The following PDGFD variants were observed in gnomAD, a reference collection of about 807,000 sequenced individuals.
The protein encoded by PDGFD is platelet derived growth factor D.
A neutral mutation model predicts 44.7 loss-of-function variants in PDGFD; 30 were observed. The observed-to-expected ratio is 0.67, with a 90% CI of 0.50 to 0.91. The LOEUF (loss-of-function observed/expected upper bound fraction) is 0.91, where lower values mean the gene tolerates loss of function less well. PDGFD is among the 40% of genes least tolerant of loss of function. PDGFD has a pLI of 0.00. For missense variants in PDGFD, 445 were observed against 457.8 expected (o/e 0.97, Z 0.25); for synonymous variants, 173 against 168.4 (o/e 1.03, Z -0.21).
chr11:104,137,999 G>C (rs769847317), intron 1 of PDGFD, among the ~76,000 whole-genome samples: 46 of 152,162 alleles, frequency 3.0e-4, no homozygotes, highest in South Asian at 1.5e-3. Context: ...ATGAGTTATT[G>C]AAAGCAGAAA....
At chr11:103,983,964 A>G (rs1859312952) in intron 3 of PDGFD, among the ~76,000 whole-genome samples, 1 of 151,814 alleles carries the variant, frequency 6.6e-6, no homozygotes, top group East Asian at 1.9e-4. Flanking sequence ...TGGAAGTGTA[A>G]ATCAGTTCAG....
intron 6 of PDGFD, among the ~76,000 whole-genome samples, chr11:103,922,305 C>T (rs181914000): frequency 3.9e-4 from 60 of 152,254 alleles, no homozygotes; most frequent in African/African-American, 1.2e-3. Context: ...CTCCCTTTAA[C>T]AAAAATCACT....
intron 1 of PDGFD, among the ~76,000 whole-genome samples, chr11:104,041,264 T>C (rs1039002787): frequency 2.6e-5 from 4 of 152,058 alleles, no homozygotes; most frequent in Non-Finnish European, 4.4e-5. Flanking sequence ...GACAGACTTG[T>C]AACCAACTAA....
chr11:103,979,583 C>T (rs184692962), intron 3 of PDGFD, among the ~76,000 whole-genome samples: 1 of 152,196 alleles, frequency 6.6e-6, no homozygotes, highest in Non-Finnish European at 1.5e-5. Context: ...GAATGAGTTA[C>T]ATAATTCATT....
intron 3 of PDGFD, among the ~76,000 whole-genome samples, chr11:103,963,139 G>A (rs1158634900): frequency 6.6e-6 from 1 of 152,128 alleles, no homozygotes. Context: ...AAAAGTGCCT[G>A]TCACATAGAA....
intron 1 of PDGFD, among the ~76,000 whole-genome samples, chr11:104,100,204 C>A (rs889431463): frequency 3.3e-5 from 5 of 152,058 alleles, no homozygotes; most frequent in Non-Finnish European, 7.4e-5. Flanking sequence ...CAGAGGCAGC[C>A]TACACACCTC....
chr11:104,133,465 A>G (rs1406347786), intron 1 of PDGFD, among the ~76,000 whole-genome samples: 1 of 152,156 alleles, frequency 6.6e-6, no homozygotes, highest in African/African-American at 2.4e-5. Context: ...TTCTAAACTA[A>G]GGAGAATACA....
At chr11:104,119,210 A>ATAAT (rs1861710310) in intron 1 of PDGFD, among the ~76,000 whole-genome samples, 6 of 7,076 alleles carry the variant, frequency 8.5e-4, no homozygotes, top group Admixed American at 0.011. Context: ...ATAATATATT[A>ATAAT]ATATAATATA....
intron 1 of PDGFD, among the ~76,000 whole-genome samples, chr11:104,126,065 C>A (rs1229686512): frequency 6.6e-6 from 1 of 152,150 alleles, no homozygotes; most frequent in South Asian, 2.1e-4. Context: ...TCCTTTCCTG[C>A]CACTCCTGAC....
chr11:104,076,701 T>C lies in PDGFD; in HGVS notation c.125-76446A>G, dbSNP rs894149119. ...ACATGTTAAGGTATTTGGACTACAA[T>C]TGACCCTTGAACAACATAGGTTTGA... On this transcript the variant is annotated intron_variant, in intron 1 of 6. Coordinates refer to ENST00000393158, the MANE Select transcript of PDGFD (RefSeq NM_025208.5). 7.9e-5 allele frequency among the ~76,000 whole-genome samples: 12 copies of C among 152,280 alleles called. No homozygotes were observed. In the East Asian group the frequency reaches 2.1e-3, roughly 27 times the overall value.
chr11:103,931,268 T>A (rs966663226), intron 5 of PDGFD, among the ~76,000 whole-genome samples: 1 of 152,246 alleles, frequency 6.6e-6, no homozygotes, highest in East Asian at 1.9e-4. Context: ...AATCAAGGTA[T>A]GTAAAGGTAA....
chr11:103,945,419 A>C (rs1858654441), intron 4 of PDGFD: 1 of 152,178 alleles, frequency 6.6e-6, no homozygotes. Context: ...TATAATTCCA[A>C]ATCGCCATTA....
intron 1 of PDGFD, among the ~76,000 whole-genome samples, chr11:104,088,201 G>A (rs551423898): frequency 1.3e-5 from 2 of 152,332 alleles, no homozygotes; most frequent in Non-Finnish European, 2.9e-5. Context: ...ACAAGCCCTT[G>A]TGTATGGTGG....
intron 1 of PDGFD, among the ~76,000 whole-genome samples, chr11:104,034,621 A>G (rs1163579673): frequency 6.6e-6 from 1 of 151,456 alleles, no homozygotes; most frequent in Non-Finnish European, 1.5e-5. Flanking sequence ...CCAGGGAAAC[A>G]TGAGCTCTGC....
At chr11:104,024,593 T>C (rs899376628) in intron 1 of PDGFD, among the ~76,000 whole-genome samples, 2 of 152,190 alleles carry the variant, frequency 1.3e-5, no homozygotes, top group Non-Finnish European at 2.9e-5. Flanking sequence ...TTCAGTACAG[T>C]AACACGTTGT....
intron 4 of PDGFD, among the ~76,000 whole-genome samples, chr11:103,943,913 T>C (rs1468704784): frequency 9.2e-6 from 1 of 108,232 alleles, no homozygotes; most frequent in East Asian, 3.1e-4. Context: ...AGTGTAATCA[T>C]CTAAAAATAT....
intron 1 of PDGFD, among the ~76,000 whole-genome samples, chr11:104,122,692 C>T (rs1038967365): frequency 6.6e-6 from 1 of 150,432 alleles, no homozygotes; most frequent in Non-Finnish European, 1.5e-5. Flanking sequence ...TTATGTAATA[C>T]TGAAAATACA....
intron 1 of PDGFD, among the ~76,000 whole-genome samples, chr11:104,095,390 C>T (rs1392597850): frequency 6.6e-6 from 1 of 151,924 alleles, no homozygotes; most frequent in Non-Finnish European, 1.5e-5. Context: ...TATTGAAAAC[C>T]ACTCATTCCA....
At chr11:103,999,914 A>G (rs1054252419) in intron 2 of PDGFD, 137 bp downstream of exon 2, 1 of 656,752 alleles carries the variant, frequency 1.5e-6, no homozygotes, top group African/African-American at 2.0e-5. Flanking sequence ...TAGGGTCTTT[A>G]GGCTTTTTGA....
Sources: gnomAD v4.1 joint callset for allele counts (sites outside exome capture counted in the v4.1 genomes callset) on GRCh38, gnomAD v4.1.1 for gene constraint, MANE v1.5 for transcripts, NCBI Gene and HGNC (gene_info 2026-07-23, HGNC 2026-07-21) for gene names.